KCNH7: variants seen among roughly 807,000 people sequenced by gnomAD.
KCNH7 encodes the protein voltage-gated inwardly rectifying potassium channel KCNH7.
In KCNH7, 49 loss-of-function variants were observed where a neutral mutation model predicts 120.8. That is an observed-to-expected ratio of 0.41 (90% CI 0.32 to 0.51). The LOEUF (loss-of-function observed/expected upper bound fraction) is 0.51, where lower values mean the gene tolerates loss of function less well. Ranked by LOEUF, KCNH7 falls within the 20% of genes least tolerant of loss-of-function variation. The pLI is 0.38. For synonymous variants in KCNH7, 547 were observed against 516.1 expected (o/e 1.06, Z -0.81); for missense variants, 1,097 against 1,446.6 (o/e 0.76, Z 3.92).
At chr2:162,463,557 A>G (rs1689216837) in intron 6 of KCNH7, among the ~76,000 whole-genome samples, 1 of 151,982 alleles carries the variant, frequency 6.6e-6, no homozygotes, top group Non-Finnish European at 1.5e-5. Flanking sequence ...ATTGCTGCCC[A>G]TATAGTAAAA....
At chr2:162,742,093 C>A (rs1461893852) in intron 2 of KCNH7, among the ~76,000 whole-genome samples, 3 of 152,068 alleles carry the variant, frequency 2.0e-5, no homozygotes, top group Non-Finnish European at 4.4e-5. Context: ...AAGTTCTGCA[C>A]CTGAAGACCA....
rs28716523 is a variant in KCNH7, at chr2:162,420,264, T to A, written c.2154+3072A>T. 3.8e-3 allele frequency among the ~76,000 whole-genome samples: 573 copies of A among 152,212 alleles called. 2 individuals carry two copies. The highest frequency in any genetic ancestry group is 0.013 in the African/African-American group (539 of 41,538). Reference sequence around the variant, plus strand: ...GGTGGCATGTGCCTCTAATCCCAGCTACTCAGGAGGCTGAGGCAGGAGAAT... The same window carrying A: ...GGTGGCATGTGCCTCTAATCCCAGCAACTCAGGAGGCTGAGGCAGGAGAAT... On this transcript the variant is annotated intron_variant, in intron 9 of 15. Transcript: ENST00000332142.
intron 6 of KCNH7, among the ~76,000 whole-genome samples, chr2:162,491,660 A>G (rs1690312609): frequency 6.6e-6 from 1 of 152,186 alleles, no homozygotes; most frequent in South Asian, 2.1e-4. Context: ...TTGCATTGGC[A>G]TTCATGGGTG....
chr2:162,712,722 C>T (rs1286218081), intron 2 of KCNH7, among the ~76,000 whole-genome samples: 3 of 152,130 alleles, frequency 2.0e-5, no homozygotes, highest in Non-Finnish European at 2.9e-5. Flanking sequence ...AACTTACTTG[C>T]TGTCAGTTTT....
At chr2:162,834,316 G>C (rs1452272682) in intron 2 of KCNH7, among the ~76,000 whole-genome samples, 1 of 151,606 alleles carries the variant, frequency 6.6e-6, no homozygotes, top group Non-Finnish European at 1.5e-5. Context: ...TGTTTAAAAA[G>C]GTCATTCAAA....
chr2:162,806,889 A>T (rs545191212), intron 2 of KCNH7, among the ~76,000 whole-genome samples: 1 of 152,226 alleles, frequency 6.6e-6, no homozygotes, highest in African/African-American at 2.4e-5. Flanking sequence ...TCAAAGTATA[A>T]CAGAAACTAG....
At chr2:162,673,211 A>T (rs2105299800) in intron 2 of KCNH7, among the ~76,000 whole-genome samples, 1 of 152,174 alleles carries the variant, frequency 6.6e-6, no homozygotes, top group South Asian at 2.1e-4. Flanking sequence ...TGCCAAAAGG[A>T]GAGAAGGGCA....
chr2:162,836,169 G>A (rs1316461699), intron 2 of KCNH7, among the ~76,000 whole-genome samples: 1 of 152,136 alleles, frequency 6.6e-6, no homozygotes, highest in Non-Finnish European at 1.5e-5. Flanking sequence ...GTATTTTAAA[G>A]TTCAAACAAG....
chr2:162,759,668 G>C (rs1688902289), intron 2 of KCNH7, among the ~76,000 whole-genome samples: 1 of 151,746 alleles, frequency 6.6e-6, no homozygotes. Context: ...GGGAAAGAAG[G>C]AAGAACATGA....
chr2:162,445,112 T>C (rs1044962644), intron 7 of KCNH7, among the ~76,000 whole-genome samples: 3 of 152,154 alleles, frequency 2.0e-5, no homozygotes, highest in African/African-American at 7.2e-5. Context: ...ATAAAATCTT[T>C]TGGTTCCCCT....
chr2:162,533,334 A>C (rs1691995469), intron 3 of KCNH7, among the ~76,000 whole-genome samples: 1 of 151,814 alleles, frequency 6.6e-6, no homozygotes, highest in Non-Finnish European at 1.5e-5. Context: ...CAATAAATGT[A>C]AATACCTATT....
intron 6 of KCNH7, among the ~76,000 whole-genome samples, chr2:162,471,874 T>G (rs1425321572): frequency 6.6e-6 from 1 of 152,200 alleles, no homozygotes; most frequent in Non-Finnish European, 1.5e-5. Context: ...AGCATGGTAC[T>G]CTTACCAAAA....
At chr2:162,471,343 C>A (rs1306639280) in intron 6 of KCNH7, among the ~76,000 whole-genome samples, 1 of 151,796 alleles carries the variant, frequency 6.6e-6, no homozygotes, top group Non-Finnish European at 1.5e-5. Flanking sequence ...TAAAATGAAT[C>A]CGATGCACTT....
In KCNH7 at chr2:162,504,611, A is replaced by C. The variant is rs1433982020; in HGVS notation, c.960T>G (p.Asp320Glu). Reference sequence around the variant, plus strand: ...TGGTGCTGTATTTGTTGAGGTTTGAATCTGATGTGGATCCCAGGAGGCTTG... The same window carrying C: ...TGGTGCTGTATTTGTTGAGGTTTGACTCTGATGTGGATCCCAGGAGGCTTG... ...IKSSLLGSTS[D>E]SNLNKYSTIN... The change falls in exon 6 of 16, where the codon GAT becomes GAG. Residue 320 changes from aspartate (D) to glutamate (E), a missense_variant. This residue lies in a region of KCNH7 where 362 missense variants were observed against 372.2 expected (regional missense o/e 0.97). Transcript: ENST00000332142. 6.2e-7 allele frequency: 1 copy of C among 1,612,762 alleles called. No individual in the cohort carries two copies. The highest frequency in any genetic ancestry group is 1.7e-5 in the Admixed American group (1 of 59,890).
At chr2:162,777,804 A>G (rs937994466) in intron 2 of KCNH7, among the ~76,000 whole-genome samples, 2 of 152,146 alleles carry the variant, frequency 1.3e-5, no homozygotes, top group Non-Finnish European at 2.9e-5. Flanking sequence ...AAGAAAGAGA[A>G]TACTATGTAT....
intron 2 of KCNH7, among the ~76,000 whole-genome samples, chr2:162,691,956 T>A (rs1330174903): frequency 6.6e-6 from 1 of 152,190 alleles, no homozygotes; most frequent in African/African-American, 2.4e-5. Flanking sequence ...ATAGCTTAAA[T>A]TAAAAGCTTA....
intron 6 of KCNH7, among the ~76,000 whole-genome samples, chr2:162,478,302 T>G (rs1689814304): frequency 6.6e-6 from 1 of 152,140 alleles, no homozygotes; most frequent in Non-Finnish European, 1.5e-5. Context: ...AATTGTTCAT[T>G]ATAGTACCAT....
chr2:162,390,777 A>G lies in KCNH7; in HGVS notation c.2710+3612T>C, dbSNP rs571697044. ...ACCTGCACTTACAAGTCTCTCCTGT[A>G]GGGAAGTGGGATTTTTCCTTAGAAA... On this transcript the variant is annotated intron_variant, in intron 12 of 15. Transcript: ENST00000332142. Among the ~76,000 whole-genome samples the G allele has an allele frequency of 2.6e-5, 4 of 152,148 alleles. No individual in the cohort carries two copies. In the East Asian group the frequency reaches 7.8e-4, roughly 30 times the overall value.
intron 6 of KCNH7, among the ~76,000 whole-genome samples, chr2:162,490,700 C>G (rs79011734): frequency 0.027 from 4,088 of 152,218 alleles, 184 homozygotes; most frequent in African/African-American, 0.094. Context: ...CAACAACACC[C>G]CTGCCCATCA....
Sources: gnomAD v4.1 joint callset for allele counts (sites outside exome capture counted in the v4.1 genomes callset) on GRCh38, gnomAD v4.1.1 for gene constraint, gnomAD v4.1.1 regional missense constraint, MANE v1.5 for transcripts, NCBI Gene and HGNC (gene_info 2026-07-23, HGNC 2026-07-21) for gene names.